Variants in DIP2C observed in about 807,000 individuals in gnomAD.
DIP2C encodes disco-interacting protein 2 homolog C.
DIP2C carries 33 observed loss-of-function variants against 192.4 expected under a neutral mutation model. That is an observed-to-expected ratio of 0.17 (90% CI 0.13 to 0.23). DIP2C has a LOEUF of 0.23. DIP2C is among the 10% of genes least tolerant of loss of function. The probability of loss-of-function intolerance (pLI) is 1.00; values close to 1 mark genes in which losing one functional copy is unlikely to be tolerated. For missense variants in DIP2C, 1,537 were observed against 2,110.1 expected, an observed-to-expected ratio of 0.73 and a Z score of 5.32; for synonymous variants, 979 against 864.1, an observed-to-expected ratio of 1.13 and a Z score of -2.33.
At chr10:620,227 C>G (rs1452795509) in intron 1 of DIP2C, among the ~76,000 whole-genome samples, 1 of 152,152 alleles carries the variant, frequency 6.6e-6, no homozygotes, top group African/African-American at 2.4e-5. Context: ...TTCTGCCTAT[C>G]TATTTTATGG....
intron 1 of DIP2C, among the ~76,000 whole-genome samples, chr10:655,136 T>C (rs946592820): frequency 2.8e-4 from 43 of 152,002 alleles, no homozygotes; most frequent in African/African-American, 9.7e-4. Flanking sequence ...AGAAATTCGC[T>C]CCTTATGCAA....
intron 2 of DIP2C, among the ~76,000 whole-genome samples, chr10:482,836 T>C (rs1843706568): frequency 6.6e-6 from 1 of 152,212 alleles, no homozygotes; most frequent in African/African-American, 2.4e-5. Context: ...TTTACAACTT[T>C]GACTGGGCTT....
At chr10:661,620 G>A (rs1247105231) in intron 1 of DIP2C, among the ~76,000 whole-genome samples, 1 of 152,144 alleles carries the variant, frequency 6.6e-6, no homozygotes, top group African/African-American at 2.4e-5. Flanking sequence ...CTCTTCTCTG[G>A]ACTCTAAGCA....
chr10:450,306 C>G (rs947043376), intron 3 of DIP2C, among the ~76,000 whole-genome samples: 7 of 152,192 alleles, frequency 4.6e-5, no homozygotes, highest in African/African-American at 1.4e-4. Flanking sequence ...GGACCCGACA[C>G]AAGAGAGGTC....
Position 364,509 on chromosome 10 carries a change from A to T in DIP2C, c.2342T>A (p.Val781Glu), listed in dbSNP as rs1371186796. ...CACGAAGACGAGGCCTCCGGGACCC[A>T]CGAACCCCAGCAAGCCTGTCCTTAT... The part of the protein sequence containing the change: ...PFIRTGLLGF[V>E]GPGGLVFVVG... Residue 781 changes from valine (V) to glutamate (E), a missense_variant, in exon 20 of 37, where the codon GTG (valine) becomes GAG (glutamate). Around this residue, in one of 4 missense-constraint regions of DIP2C, gnomAD observed 677 missense variants for 989.9 expected, o/e 0.68. Transcript: ENST00000280886. 6.2e-7 allele frequency: 1 copy of T among 1,614,012 alleles called. No individual in the cohort carries two copies. Among genetic ancestry groups the T allele is most frequent in the Non-Finnish European group, 8.5e-7 (1 of 1,180,030 alleles).
chr10:428,293 T>C (rs1783710882), intron 4 of DIP2C, among the ~76,000 whole-genome samples: 1 of 152,198 alleles, frequency 6.6e-6, no homozygotes, highest in Admixed American at 6.5e-5. Context: ...CTGATAGCAT[T>C]TGCAATCAGC....
At chr10:305,972 A>AATATATATATATATATATATATATAT (rs35830495) in intron 32 of DIP2C, among the ~76,000 whole-genome samples, 18 of 146,346 alleles carry the variant, frequency 1.2e-4, no homozygotes, top group African/African-American at 4.7e-4. Context: ...AATGCAGACA[A>AATATATATATATATATATATATATAT]ATATATATAT....
intron 12 of DIP2C, 53 bp from the exon 13 acceptor site, chr10:390,146 T>C: frequency 6.3e-7 from 1 of 1,594,352 alleles, no homozygotes; most frequent in Non-Finnish European, 8.6e-7. Flanking sequence ...ACGGCAGTTT[T>C]TCTGGTTACT....
At chr10:425,901 T>C (rs1966567172) in intron 4 of DIP2C, among the ~76,000 whole-genome samples, 1 of 152,210 alleles carries the variant, frequency 6.6e-6, no homozygotes, top group South Asian at 2.1e-4. Flanking sequence ...AAGCCATGGC[T>C]AATAGTGTAT....
chr10:683,782 C>A (rs1831216733), intron 1 of DIP2C, among the ~76,000 whole-genome samples: 1 of 152,164 alleles, frequency 6.6e-6, no homozygotes, highest in Non-Finnish European at 1.5e-5. Flanking sequence ...GCTCCCTCTG[C>A]AGTTCAGGAG....
rs1000127742 is a variant in DIP2C at position 325,892 on chromosome 10, A to T, written c.3924+1114T>A. On this transcript the variant is annotated intron_variant, in intron 31 of 36. Coordinates refer to ENST00000280886, the MANE Select transcript of DIP2C (RefSeq NM_014974.3). ...AAGGAACACCACGTTTATGAAAATT[A>T]AAAAAAAGGCCGGGTGCAGTGGCTC... 7.9e-5 allele frequency among the ~76,000 whole-genome samples: 12 copies of T among 151,890 alleles called. No individual in the cohort carries two copies. The South Asian group carries it at 8.3e-4, about 11-fold the overall frequency.
chr10:427,702 C>T (rs1162327018), intron 4 of DIP2C, among the ~76,000 whole-genome samples: 2 of 152,178 alleles, frequency 1.3e-5, no homozygotes, highest in African/African-American at 2.4e-5. Context: ...AAAGTAAATA[C>T]ACAATGATAT....
At chr10:310,531 C>T (rs1956523495) in intron 31 of DIP2C, among the ~76,000 whole-genome samples, 1 of 152,184 alleles carries the variant, frequency 6.6e-6, no homozygotes, top group Non-Finnish European at 1.5e-5. Flanking sequence ...TATGGATGGA[C>T]AGGCCAGGGA....
At chr10:426,895 A>T (rs2133192660) in intron 4 of DIP2C, among the ~76,000 whole-genome samples, 1 of 152,348 alleles carries the variant, frequency 6.6e-6, no homozygotes, top group East Asian at 1.9e-4. Context: ...GCACAGATAA[A>T]AATTAACTCA....
chr10:388,919 C>A (rs890459526), intron 13 of DIP2C, among the ~76,000 whole-genome samples: 5 of 149,838 alleles, frequency 3.3e-5, no homozygotes, highest in African/African-American at 1.2e-4. Context: ...TCTCAAGGGG[C>A]CTTGGGGCAT....
intron 10 of DIP2C, 96 bp from the exon 11 acceptor site, chr10:390,959 C>A (rs556564028): frequency 1.3e-6 from 2 of 1,525,392 alleles, no homozygotes; most frequent in East Asian, 2.3e-5. Context: ...ACCCTCGAGT[C>A]TGCAGAACCA....
At chr10:377,040 A>G (rs1961685278) in intron 17 of DIP2C, among the ~76,000 whole-genome samples, 1 of 152,156 alleles carries the variant, frequency 6.6e-6, no homozygotes, top group African/African-American at 2.4e-5. Context: ...TTTCTCTAAC[A>G]GGAGCAATGC....
intron 3 of DIP2C, among the ~76,000 whole-genome samples, chr10:444,883 G>T (rs1968036921): frequency 6.6e-6 from 1 of 152,206 alleles, no homozygotes; most frequent in South Asian, 2.1e-4. Flanking sequence ...ATTTACTCTG[G>T]AGATAATGTG....
intron 32 of DIP2C, among the ~76,000 whole-genome samples, chr10:307,258 G>A (rs777811050): frequency 6.6e-6 from 1 of 152,230 alleles, no homozygotes; most frequent in South Asian, 2.1e-4. Flanking sequence ...AGGCAAGAGG[G>A]AAACTGAGGT....
Sources: allele counts gnomAD v4.1 joint callset (sites outside exome capture counted in the v4.1 genomes callset), GRCh38; gene constraint gnomAD v4.1.1; regional missense constraint gnomAD v4.1.1; transcripts MANE v1.5; gene names NCBI Gene and HGNC (gene_info 2026-07-23, HGNC 2026-07-21).